IFNAR1: variants seen among roughly 807,000 people sequenced by gnomAD.
IFNAR1 encodes the protein interferon alpha and beta receptor subunit 1.
Under a neutral mutation model 62.1 loss-of-function variants are expected in IFNAR1, and 47 were observed. That is an observed-to-expected ratio of 0.76 (90% CI 0.60 to 0.97). The LOEUF is 0.97. Among genes scored for constraint, IFNAR1 ranks in the 50% least tolerant of loss-of-function variants. IFNAR1 has a pLI of 0.00. For missense variants in IFNAR1, 638 were observed against 654.5 expected (o/e 0.97, Z 0.27); for synonymous variants, 219 against 226.9 (o/e 0.97, Z 0.31).
rs1290685703 is a variant in IFNAR1 at position 33,355,814 on chromosome 21, G to A, written c.*265G>A. The A allele has an allele frequency of 1.1e-5, 2 of 188,350 alleles. No homozygotes were observed. Among genetic ancestry groups the A allele is most frequent in the Non-Finnish European group, 2.2e-5 (2 of 91,294 alleles). 11.7% of individuals were successfully genotyped at this position (188,350 alleles called of 1,614,324 possible). On this transcript the variant is annotated 3_prime_UTR_variant, in exon 11 of 11. Coordinates refer to ENST00000270139, the MANE Select transcript of IFNAR1 (RefSeq NM_000629.3). ...AGGCAGATCATGAGGTCAAGAGATC[G>A]AGACCAGCCTGGCCAACGTGGTGAA...
rs1239468821 is a variant in IFNAR1, at chr21:33,349,232, T to C, written c.930T>C (p.Ser310=). 5 of 1,613,380 alleles carry C rather than the reference T, an allele frequency of 3.1e-6. No homozygotes were observed. Among genetic ancestry groups the C allele is most frequent in the Non-Finnish European group, 3.4e-6 (4 of 1,179,596 alleles). The change falls in exon 7 of 11, where the codon TCT becomes TCC. Residue 310 remains serine, a synonymous_variant. Coordinates refer to ENST00000270139, the MANE Select transcript of IFNAR1 (RefSeq NM_000629.3). ...KGIYLLRVQA[S]DGNNTSFWSE... Reference sequence around the variant, plus strand: ...TTTACCTTCTCCGCGTACAAGCATCTGATGGAAATAACACATCTTTTTGGT... The same window carrying C: ...TTTACCTTCTCCGCGTACAAGCATCCGATGGAAATAACACATCTTTTTGGT...
intron 2 of IFNAR1, among the ~76,000 whole-genome samples, chr21:33,337,238 TA>T (rs1319578349): frequency 6.6e-6 from 1 of 151,794 alleles, no homozygotes; most frequent in Non-Finnish European, 1.5e-5. Context: ...AATAAATAAA[TA>T]AAATAAAATA....
chr21:33,340,528 C>CT (rs917250586), intron 2 of IFNAR1, among the ~76,000 whole-genome samples: 3,163 of 143,512 alleles, frequency 0.022, 110 homozygotes, highest in African/African-American at 0.075. Context: ...CCTGCTTTGC[C>CT]TTTTTTTTTT....
intron 6 of IFNAR1, among the ~76,000 whole-genome samples, chr21:33,347,493 C>G (rs2083360936): frequency 6.6e-6 from 1 of 152,064 alleles, no homozygotes; most frequent in Non-Finnish European, 1.5e-5. Context: ...TCGCAAACTC[C>G]TGGCCCCAAG....
At chr21:33,334,471 A>G (rs574109478) in intron 1 of IFNAR1, 3 of 338,580 alleles carry the variant, frequency 8.9e-6, no homozygotes, top group South Asian at 2.7e-5. Context: ...AACCCTGTAT[A>G]TGGCAAAATT....
rs36125058 is a variant in IFNAR1 at position 33,357,530 on chromosome 21, GT to G, written c.*1996del. Reference sequence around the variant, plus strand: ...ATTTTCATCTTTCTGACCAGAGGCTGTTTTTTTTTTTTTTTGAGACAGTCTC... The same window carrying G: ...ATTTTCATCTTTCTGACCAGAGGCTGTTTTTTTTTTTTTTGAGACAGTCTC... On this transcript the variant is annotated 3_prime_UTR_variant, in exon 11 of 11. Coordinates refer to ENST00000270139, the MANE Select transcript of IFNAR1 (RefSeq NM_000629.3). 0.19 allele frequency: 26,330 copies of G among 139,526 alleles called. 2,416 individuals are homozygous for G. The highest frequency in any genetic ancestry group is 0.37 in the East Asian group (1,781 of 4,846). The allele number at this position is 139,526 out of a possible 1,614,324, so 8.6% of individuals were successfully genotyped here.
intron 3 of IFNAR1, among the ~76,000 whole-genome samples, chr21:33,342,652 G>A (rs989272410): frequency 2.0e-5 from 3 of 148,506 alleles, no homozygotes; most frequent in Non-Finnish European, 3.0e-5. Flanking sequence ...AGACCATCCT[G>A]GCTAACACGG....
chr21:33,348,373 C>A (rs973822539), intron 6 of IFNAR1, among the ~76,000 whole-genome samples: 2 of 152,146 alleles, frequency 1.3e-5, no homozygotes, highest in African/African-American at 4.8e-5. Context: ...TGCACAGTAG[C>A]ACACCACTAT....
intron 1 of IFNAR1, among the ~76,000 whole-genome samples, chr21:33,333,199 AT>A (rs2083197839): frequency 6.6e-6 from 1 of 152,232 alleles, no homozygotes; most frequent in Non-Finnish European, 1.5e-5. Flanking sequence ...GGATGGGATG[AT>A]ATACTCAAAC....
intron 1 of IFNAR1, among the ~76,000 whole-genome samples, chr21:33,334,343 G>C (rs926423806): frequency 1.3e-5 from 2 of 152,110 alleles, no homozygotes; most frequent in African/African-American, 4.8e-5. Context: ...GCCAAAGACA[G>C]AGAAGTGACT....
rs976257147 is a variant in IFNAR1 at position 33,356,272 on chromosome 21, T to C, written c.*723T>C. The C allele has an allele frequency of 6.6e-6, 1 of 152,250 alleles. No homozygotes were observed. Among genetic ancestry groups the C allele is most frequent in the Non-Finnish European group, 1.5e-5 (1 of 68,048 alleles). The allele number at this position is 152,250 out of a possible 1,614,324, so 9.4% of individuals were successfully genotyped here. A position where few individuals can be genotyped will look rare whatever the true frequency, so the allele number is the denominator to read the frequency against. ...ACCTGTCTGTTCGCCATTCCTAACA[T>C]TCTGTTTCATTCTTCCTCGGGAGAT... is the stretch of plus-strand genomic sequence containing the variant. On this transcript the variant is annotated 3_prime_UTR_variant, in exon 11 of 11. Coordinates refer to ENST00000270139, the MANE Select transcript of IFNAR1 (RefSeq NM_000629.3).
chr21:33,346,000 C>G (rs1280634465), intron 6 of IFNAR1, among the ~76,000 whole-genome samples: 1 of 152,222 alleles, frequency 6.6e-6, no homozygotes, highest in Non-Finnish European at 1.5e-5. Context: ...AGGAGGATTA[C>G]TTGAGGCCAG....
At chr21:33,339,278 G>A (rs544127637) in intron 2 of IFNAR1, among the ~76,000 whole-genome samples, 1 of 152,136 alleles carries the variant, frequency 6.6e-6, no homozygotes, top group Non-Finnish European at 1.5e-5. Flanking sequence ...TTTCAAGAAT[G>A]TTTAAGGTAT....
In IFNAR1 at chr21:33,355,576, G is replaced by C; in HGVS notation, c.*27G>C. 1 of 1,325,966 alleles carries C rather than the reference G, an allele frequency of 7.5e-7. No individual in the cohort carries two copies. The highest frequency in any genetic ancestry group is 1.0e-6 in the Non-Finnish European group (1 of 957,730). The allele number at this position is 1,325,966 out of a possible 1,614,324, so 82.1% of individuals were successfully genotyped here. On this transcript the variant is annotated 3_prime_UTR_variant, in exon 11 of 11. Transcript: ENST00000270139. ...CAGAAATGAACTGTGTCAAGTATAA[G>C]GTTTTTCAGCAGGAGTTACACTGGG...
rs774691840 is a variant in IFNAR1 at position 33,353,783 on chromosome 21, G to A, written c.1440G>A (p.Glu480=). 7 of 1,549,502 alleles carry A rather than the reference G, an allele frequency of 4.5e-6. No homozygotes were observed. The African/African-American group carries it at 8.5e-5, about 19-fold the overall frequency. The part of the protein sequence containing the change: ...PSLKPSSSID[E]YFSEQPLKNL... ...TTAAACCTTCTTCCAGTATAGATGA[G>A]GTATGTTACTTTTTTTATTTTTTTG... Residue 480 remains glutamate, a splice_region_variant and synonymous_variant, in exon 10 of 11, where the codon GAG becomes GAA. Coordinates refer to ENST00000270139, the MANE Select transcript of IFNAR1 (RefSeq NM_000629.3).
intron 10 of IFNAR1, among the ~76,000 whole-genome samples, chr21:33,354,241 C>T (rs2083427445): frequency 1.3e-5 from 2 of 152,286 alleles, no homozygotes; most frequent in African/African-American, 4.8e-5. Flanking sequence ...ACTCGGGAGG[C>T]TGAGGCAGGG....
Position 33,358,478 on chromosome 21 carries a change from CATT to C in IFNAR1, c.*2932_*2934del, listed in dbSNP as rs1470700796. On this transcript the variant is annotated 3_prime_UTR_variant, in exon 11 of 11. Transcript: ENST00000270139. ...TATATTAATATATAATACAGATTAA[CATT>C]ATATATAATATGTACCTGTGTCACT... The C allele has an allele frequency of 2.6e-5, 4 of 151,844 alleles. No homozygotes were observed. Among genetic ancestry groups the C allele is most frequent in the Admixed American group, 6.6e-5 (1 of 15,256 alleles). The allele number at this position is 151,844 out of a possible 1,614,324, so 9.4% of individuals were successfully genotyped here. A position where few individuals can be genotyped will look rare whatever the true frequency, so the allele number is the denominator to read the frequency against.
intron 3 of IFNAR1, 57 bp downstream of exon 3, chr21:33,341,231 C>A: frequency 7.4e-7 from 1 of 1,355,638 alleles, no homozygotes; most frequent in Non-Finnish European, 1.0e-6. Flanking sequence ...CAGAGCAGTT[C>A]ACTTTCCAAG....
chr21:33,350,512 AG>A (rs1200597086), intron 8 of IFNAR1, among the ~76,000 whole-genome samples: 1 of 152,130 alleles, frequency 6.6e-6, no homozygotes, highest in East Asian at 1.9e-4. Flanking sequence ...TTAGTTGGGG[AG>A]GTAATGAAAA....
Sources: allele counts gnomAD v4.1 joint callset (sites outside exome capture counted in the v4.1 genomes callset), GRCh38; gene constraint gnomAD v4.1.1; transcripts MANE v1.5; gene names NCBI Gene and HGNC (gene_info 2026-07-23, HGNC 2026-07-21).